NAALAD2: variants seen among roughly 807,000 people sequenced by gnomAD.
NAALAD2 encodes N-acetylated-alpha-linked acidic dipeptidase 2.
NAALAD2 carries 89 observed loss-of-function variants against 95.6 expected under a neutral mutation model. The observed-to-expected ratio is 0.93, with a 90% CI of 0.78 to 1.11. NAALAD2 has a LOEUF of 1.11. Ranked by LOEUF, NAALAD2 falls within the 50% of genes least tolerant of loss-of-function variation. The probability of loss-of-function intolerance (pLI) is 0.00; values close to 1 mark genes in which losing one functional copy is unlikely to be tolerated. For missense variants in NAALAD2, 894 were observed against 872.4 expected, an observed-to-expected ratio of 1.02 and a Z score of -0.31; for synonymous variants, 264 against 294.4, an observed-to-expected ratio of 0.90 and a Z score of 1.06.
intron 11 of NAALAD2, chr11:90,164,428 G>T (rs562710302): frequency 6.6e-6 from 1 of 152,162 alleles, no homozygotes; most frequent in South Asian, 2.1e-4. Context: ...TGTGTCATGG[G>T]GATTTGCCAC....
chr11:90,170,055 T>A lies in NAALAD2; in HGVS notation c.1343-14T>A. 1 of 1,474,968 alleles carries A rather than the reference T, an allele frequency of 6.8e-7. No homozygotes were observed. The highest frequency in any genetic ancestry group is 9.5e-7 in the Non-Finnish European group (1 of 1,053,848). The allele number at this position is 1,474,968 out of a possible 1,614,324, so 91.4% of individuals were successfully genotyped here. A position where few individuals can be genotyped will look rare whatever the true frequency, so the allele number is the denominator to read the frequency against. ...AAGTATGAAATAATACTCTGTGTCT[T>A]ATTTATTTTTCAGGCAATTATACTC... On this transcript the variant is annotated splice_polypyrimidine_tract_variant and intron_variant, in intron 12 of 18. Transcript: ENST00000534061.
In NAALAD2 at chr11:90,139,253, A is replaced by AGGAT. The variant is rs1433986669; in HGVS notation, c.194+3583_194+3584insGGAT. 1.7e-3 allele frequency among the ~76,000 whole-genome samples: 264 copies of AGGAT among 152,300 alleles called. 2 individuals are homozygous for AGGAT. Among genetic ancestry groups the AGGAT allele is most frequent in the African/African-American group, 6.3e-3 (261 of 41,570 alleles). On this transcript the variant is annotated intron_variant, in intron 2 of 18. Transcript: ENST00000534061. ...TTCTTGTTGTACAAACAAAAGACTGAAAGCTGGTGTTTATCTTTTCCATTC... is the reference window on the plus strand; with the variant it reads ...TTCTTGTTGTACAAACAAAAGACTGAGGATAAGCTGGTGTTTATCTTTTCCATTC...
chr11:90,155,546 GATATATAATGTGTA>G (rs1346763690), intron 6 of NAALAD2, among the ~76,000 whole-genome samples: 1 of 103,134 alleles, frequency 9.7e-6, no homozygotes, highest in Admixed American at 1.3e-4. Flanking sequence ...TATTATATAT[GATATATAATGTGTA>G]ATATATAATA....
intron 9 of NAALAD2, 87 bp downstream of exon 9, chr11:90,163,121 G>A: frequency 1.6e-6 from 2 of 1,214,014 alleles, no homozygotes; most frequent in Non-Finnish European, 2.3e-6. Flanking sequence ...ATTGAAGTGG[G>A]GTTTTTTGGC....
chr11:90,143,291 T>C (rs1943358), intron 2 of NAALAD2, among the ~76,000 whole-genome samples: 68,179 of 151,870 alleles, frequency 0.45, 16,286 homozygotes, highest in African/African-American at 0.61. Context: ...AAATTCTTAG[T>C]TTTTCTTCAC....
upstream of NAALAD2, chr11:90,134,452 T>C (rs1260935509): frequency 1.1e-5 from 4 of 356,810 alleles, no homozygotes; most frequent in East Asian, 1.7e-4. Flanking sequence ...TAGAGTTCTT[T>C]AGGAAAAAAT....
At position 90,149,488 on chromosome 11, in the gene NAALAD2, G is replaced by C. The variant is rs564363945; in HGVS notation, c.483+381G>C. The stretch of plus-strand genomic sequence containing the variant: ...TCGCTCTTGTCACCCAGGCTGGAGT[G>C]CAGTGGCACAATCTCGGCTCCCTGC... On this transcript the variant is annotated intron_variant, in intron 4 of 18. Transcript: ENST00000534061. Among the ~76,000 whole-genome samples, 16 of 152,234 alleles carry C rather than the reference G, an allele frequency of 1.1e-4. 1 individual carries two copies. The South Asian group carries it at 1.9e-3, about 18-fold the overall frequency.
intron 16 of NAALAD2, among the ~76,000 whole-genome samples, chr11:90,179,692 G>A (rs903090203): frequency 6.6e-6 from 1 of 152,016 alleles, no homozygotes; most frequent in African/African-American, 2.4e-5. Context: ...GCATCCAGTT[G>A]TCTTCCTAAA....
intron 4 of NAALAD2, among the ~76,000 whole-genome samples, chr11:90,149,604 T>G (rs1468246498): frequency 6.6e-6 from 1 of 151,868 alleles, no homozygotes; most frequent in African/African-American, 2.4e-5. Context: ...CCTGCTAATT[T>G]TGTATTTTTT....
rs1951409370 is a variant in NAALAD2 at position 90,134,684 on chromosome 11, G to C, written c.-75G>C. 2 of 1,466,044 alleles carry C rather than the reference G, an allele frequency of 1.4e-6. No individual in the cohort carries two copies. The highest frequency in any genetic ancestry group is 2.4e-4 in the Middle Eastern group (1 of 4,212). 90.8% of individuals were successfully genotyped at this position (1,466,044 alleles called of 1,614,324 possible). Reference sequence around the variant, plus strand: ...ACCCAGAGCTCACAGCCTCCTGCCAGCGCGCTCTCTGTTTCTCTGCAGCCC... The same window carrying C: ...ACCCAGAGCTCACAGCCTCCTGCCACCGCGCTCTCTGTTTCTCTGCAGCCC... On this transcript the variant is annotated 5_prime_UTR_variant, in exon 1 of 19. Transcript: ENST00000534061.
intron 18 of NAALAD2, among the ~76,000 whole-genome samples, chr11:90,188,363 A>G (rs1857223749): frequency 6.6e-6 from 1 of 152,230 alleles, no homozygotes; most frequent in Admixed American, 6.5e-5. Flanking sequence ...ATTCAGAAGT[A>G]TAACTAAATG....
At chr11:90,166,718 C>T (rs1667769149) in intron 11 of NAALAD2, among the ~76,000 whole-genome samples, 1 of 151,658 alleles carries the variant, frequency 6.6e-6, no homozygotes, top group South Asian at 2.1e-4. Context: ...GCCTGTAGTC[C>T]CAGCTACTCG....
intron 13 of NAALAD2, among the ~76,000 whole-genome samples, chr11:90,173,522 T>C (rs1952702729): frequency 6.6e-6 from 1 of 152,176 alleles, no homozygotes; most frequent in African/African-American, 2.4e-5. Context: ...TAAAATGGCA[T>C]TTGTAAAGAT....
intron 2 of NAALAD2, among the ~76,000 whole-genome samples, chr11:90,141,797 T>A (rs2134834181): frequency 6.6e-6 from 1 of 152,266 alleles, no homozygotes; most frequent in South Asian, 2.1e-4. Context: ...GGTTTGTTTC[T>A]TGTAGATTCA....
At chr11:90,183,748 A>G (rs1407279711) in intron 18 of NAALAD2, among the ~76,000 whole-genome samples, 2 of 152,190 alleles carry the variant, frequency 1.3e-5, no homozygotes, top group African/African-American at 4.8e-5. Flanking sequence ...ATTTTGCCCA[A>G]CTGTAGGCTA....
At chr11:90,166,283 TA>T (rs1198332908) in intron 11 of NAALAD2, among the ~76,000 whole-genome samples, 1 of 152,134 alleles carries the variant, frequency 6.6e-6, no homozygotes, top group African/African-American at 2.4e-5. Flanking sequence ...ACTTTTTCTT[TA>T]ATCTGTGTCT....
chr11:90,152,056 AG>A (rs1488641267), intron 5 of NAALAD2, among the ~76,000 whole-genome samples: 2 of 152,198 alleles, frequency 1.3e-5, no homozygotes, highest in African/African-American at 4.8e-5. Flanking sequence ...CTACAGTTGC[AG>A]GTTGTAATAG....
chr11:90,154,827 A>AT (rs1951988980), intron 6 of NAALAD2, among the ~76,000 whole-genome samples: 2 of 146,862 alleles, frequency 1.4e-5, no homozygotes, highest in African/African-American at 5.0e-5. Context: ...TGTAATATGT[A>AT]ATGTTACATA....
intron 4 of NAALAD2, among the ~76,000 whole-genome samples, chr11:90,149,488 G>A (rs564363945): frequency 2.0e-5 from 3 of 152,116 alleles, no homozygotes; most frequent in South Asian, 4.1e-4. Flanking sequence ...AGGCTGGAGT[G>A]CAGTGGCACA....
Sources: gnomAD v4.1 joint callset for allele counts (sites outside exome capture counted in the v4.1 genomes callset) on GRCh38, gnomAD v4.1.1 for gene constraint, MANE v1.5 for transcripts, NCBI Gene and HGNC (gene_info 2026-07-23, HGNC 2026-07-21) for gene names.